Variants in NOL4 observed in about 807,000 individuals in gnomAD.
NOL4 encodes nucleolar protein 4.
In NOL4, 17 loss-of-function variants were observed where a neutral mutation model predicts 75.9. That is an observed-to-expected ratio of 0.22 (90% confidence interval 0.15 to 0.34). The LOEUF (loss-of-function observed/expected upper bound fraction) is 0.34, where lower values mean the gene tolerates loss of function less well. Ranked by LOEUF, NOL4 falls within the 10% of genes least tolerant of loss-of-function variation. The pLI is 1.00. For missense variants in NOL4, 614 were observed against 793.5 expected, an observed-to-expected ratio of 0.77 and a Z score of 2.72; for synonymous variants, 292 against 289.9, an observed-to-expected ratio of 1.01 and a Z score of -0.07.
At chr18:33,988,758 G>A (rs2072682056) in intron 6 of NOL4, among the ~76,000 whole-genome samples, 1 of 151,806 alleles carries the variant, frequency 6.6e-6, no homozygotes, top group Non-Finnish European at 1.5e-5. Flanking sequence ...ACACCACATG[G>A]TATATACACT....
At chr18:34,005,522 C>G (rs2073984729) in intron 6 of NOL4, among the ~76,000 whole-genome samples, 1 of 152,012 alleles carries the variant, frequency 6.6e-6, no homozygotes, top group Admixed American at 6.6e-5. Context: ...TGCCAGCTAT[C>G]AGCCAAAATT....
intron 6 of NOL4, among the ~76,000 whole-genome samples, chr18:33,970,725 TTGTGTGTG>T (rs34125584): frequency 6.8e-6 from 1 of 146,934 alleles, no homozygotes; most frequent in Non-Finnish European, 1.5e-5. Flanking sequence ...TTCAAGCTAT[TTGTGTGTG>T]TGTGTGTGTG....
At chr18:34,157,960 T>A (rs1258994420) in intron 1 of NOL4, among the ~76,000 whole-genome samples, 2 of 152,092 alleles carry the variant, frequency 1.3e-5, no homozygotes, top group Admixed American at 1.3e-4. Flanking sequence ...GAAAACACCA[T>A]GACACAGAAA....
intron 9 of NOL4, among the ~76,000 whole-genome samples, chr18:33,891,063 T>C (rs955245426): frequency 6.6e-6 from 1 of 151,360 alleles, no homozygotes; most frequent in Non-Finnish European, 1.5e-5. Context: ...TAATATAATA[T>C]ATATATTATA....
intron 9 of NOL4, among the ~76,000 whole-genome samples, chr18:33,904,367 C>T (rs907922108): frequency 1.4e-4 from 21 of 152,060 alleles, no homozygotes; most frequent in African/African-American, 5.1e-4. Context: ...ATGTCCCTCA[C>T]TAATTAAATG....
chr18:34,128,842 T>C (rs2145895330), intron 2 of NOL4: 24 of 974,820 alleles, frequency 2.5e-5, no homozygotes, highest in Non-Finnish European at 2.9e-5. Context: ...TTTTCAAACA[T>C]AGGTACCTGT....
chr18:34,111,552 T>C (rs979313621), intron 2 of NOL4, among the ~76,000 whole-genome samples: 6 of 152,084 alleles, frequency 3.9e-5, no homozygotes, highest in African/African-American at 1.4e-4. Flanking sequence ...CTAAATATGC[T>C]GGTAGCTTGC....
intron 2 of NOL4, among the ~76,000 whole-genome samples, chr18:34,112,194 C>G (rs978266820): frequency 6.6e-6 from 1 of 152,018 alleles, no homozygotes; most frequent in African/African-American, 2.4e-5. Flanking sequence ...CATGATGAAA[C>G]CTTATCTCTA....
intron 6 of NOL4, among the ~76,000 whole-genome samples, chr18:33,962,140 G>A (rs1232856316): frequency 6.6e-6 from 1 of 152,040 alleles, no homozygotes; most frequent in Non-Finnish European, 1.5e-5. Context: ...GCATAGAGTC[G>A]TGATAGCATC....
chr18:33,929,228 G>T (rs2067529471), intron 9 of NOL4, among the ~76,000 whole-genome samples: 1 of 152,090 alleles, frequency 6.6e-6, no homozygotes, highest in African/African-American at 2.4e-5. Context: ...TCTCTTCTTT[G>T]ATTTCTTCAC....
chr18:34,036,067 T>C (rs1449772945), intron 5 of NOL4, among the ~76,000 whole-genome samples: 4 of 151,958 alleles, frequency 2.6e-5, no homozygotes, highest in Non-Finnish European at 4.4e-5. Context: ...ATAATAATAA[T>C]CCTCAAGCTA....
chr18:34,064,944 C>CAA (rs964966217), intron 5 of NOL4, among the ~76,000 whole-genome samples: 1 of 58,464 alleles, frequency 1.7e-5, no homozygotes, highest in African/African-American at 4.6e-5. Context: ...CACACACACA[C>CAA]ACACACACAT....
intron 9 of NOL4, among the ~76,000 whole-genome samples, chr18:33,915,328 A>G (rs1399481163): frequency 6.6e-6 from 1 of 152,152 alleles, no homozygotes; most frequent in Non-Finnish European, 1.5e-5. Context: ...TTAAGACAAC[A>G]TTTTTAAGGA....
At position 33,875,506 on chromosome 18, in the gene NOL4, C is replaced by T. The variant is rs554146092; in HGVS notation, c.1723+7738G>A. Among the ~76,000 whole-genome samples, 4 of 152,064 alleles carry T rather than the reference C, an allele frequency of 2.6e-5. No homozygotes were observed. In the South Asian group the frequency reaches 8.3e-4, roughly 32 times the overall value. On this transcript the variant is annotated intron_variant, in intron 10 of 10. Coordinates refer to ENST00000261592, the MANE Select transcript of NOL4 (RefSeq NM_003787.5). The stretch of plus-strand genomic sequence containing the variant: ...ATTTCCTTGCTATGAAGTCTCCAAT[C>T]GGGCAAGATTTTCTATTGCTATTAA...
intron 6 of NOL4, among the ~76,000 whole-genome samples, chr18:33,963,116 T>C (rs1568134468): frequency 6.6e-6 from 1 of 152,158 alleles, no homozygotes; most frequent in Non-Finnish European, 1.5e-5. Context: ...GCTTCTACCC[T>C]AGTCTACTTC....
chr18:33,907,113 G>T (rs1416557325), intron 9 of NOL4, among the ~76,000 whole-genome samples: 1 of 151,984 alleles, frequency 6.6e-6, no homozygotes, highest in Non-Finnish European at 1.5e-5. Context: ...CATGAGGTCA[G>T]GAGATCGAGA....
In NOL4 at chr18:34,180,860, T is replaced by C. The variant is rs149596317; in HGVS notation, c.264+42130A>G. On this transcript the variant is annotated intron_variant, in intron 1 of 10. Transcript: ENST00000261592. ...TTAAAAAGAATAAAATAGGCAAAAA[T>C]AAATTTAACAAAATAAATGACTTGT... 7.5e-3 allele frequency among the ~76,000 whole-genome samples: 1,141 copies of C among 151,384 alleles called. 8 individuals are homozygous for C. The highest frequency in any genetic ancestry group is 0.011 in the Non-Finnish European group (715 of 67,470).
chr18:33,979,902 G>T (rs544619847), intron 6 of NOL4, among the ~76,000 whole-genome samples: 29 of 152,042 alleles, frequency 1.9e-4, no homozygotes, highest in Non-Finnish European at 1.0e-4. Context: ...TATTGCTTCT[G>T]ACCTGCCTCA....
At chr18:34,094,927 A>T (rs2078701295) in intron 4 of NOL4, among the ~76,000 whole-genome samples, 1 of 152,166 alleles carries the variant, frequency 6.6e-6, no homozygotes, top group Non-Finnish European at 1.5e-5. Context: ...AATATATTTG[A>T]ATAGGAAGAA....
Sources: allele counts gnomAD v4.1 joint callset (sites outside exome capture counted in the v4.1 genomes callset), GRCh38; gene constraint gnomAD v4.1.1; transcripts MANE v1.5; gene names NCBI Gene and HGNC (gene_info 2026-07-23, HGNC 2026-07-21).